CDH4: variants seen among roughly 807,000 people sequenced by gnomAD.
The protein encoded by CDH4 is cadherin 4.
A neutral mutation model predicts 86.0 loss-of-function variants in CDH4; 33 were observed. The ratio of observed to expected loss-of-function variants is 0.38; its 90% CI spans 0.29 to 0.51. CDH4 has a LOEUF of 0.51. Ranked by LOEUF, CDH4 falls within the 20% of genes least tolerant of loss-of-function variation. CDH4 has a pLI of 0.86. For synonymous variants in CDH4, 555 were observed against 549.4 expected (o/e 1.01, Z -0.14); for missense variants, 1,114 against 1,307.4 (o/e 0.85, Z 2.28).
intron 2 of CDH4, among the ~76,000 whole-genome samples, chr20:61,629,249 G>C (rs909614206): frequency 2.0e-5 from 3 of 152,126 alleles, no homozygotes; most frequent in South Asian, 2.1e-4. Context: ...CTGTGGCTCT[G>C]TGCACCCAGC....
rs35037405 is a variant in CDH4 at position 61,911,245 on chromosome 20, T to C, written c.1374+638T>C. Among the ~76,000 whole-genome samples, 1,099 of 152,370 alleles carry C rather than the reference T, an allele frequency of 7.2e-3. 5 individuals are homozygous for C. Among genetic ancestry groups the C allele is most frequent in the Non-Finnish European group, 0.013 (851 of 68,040 alleles). Reference sequence around the variant, plus strand: ...GAGAGATCGGTTTGTAACTACTGGTTCAATTTCTTTGATGGTTTTGGTCAG... The same window carrying C: ...GAGAGATCGGTTTGTAACTACTGGTCCAATTTCTTTGATGGTTTTGGTCAG... On this transcript the variant is annotated intron_variant, in intron 9 of 15. Transcript: ENST00000614565.
At chr20:61,880,132 C>A (rs1370908633) in intron 7 of CDH4, among the ~76,000 whole-genome samples, 1 of 152,214 alleles carries the variant, frequency 6.6e-6, no homozygotes, top group Admixed American at 6.5e-5. Context: ...AATGTATTCA[C>A]ATGATTCAAA....
chr20:61,407,219 T>C (rs1375938026), intron 2 of CDH4, among the ~76,000 whole-genome samples: 1 of 152,248 alleles, frequency 6.6e-6, no homozygotes, highest in African/African-American at 2.4e-5. Flanking sequence ...AACTGCTGCT[T>C]CTAGAACAGT....
intron 2 of CDH4, among the ~76,000 whole-genome samples, chr20:61,325,826 T>G (rs2084534033): frequency 6.6e-6 from 1 of 152,204 alleles, no homozygotes; most frequent in Non-Finnish European, 1.5e-5. Flanking sequence ...CAGGCTTTAC[T>G]AGAAAATTTC....
At chr20:61,625,894 A>C (rs1316734479) in intron 2 of CDH4, among the ~76,000 whole-genome samples, 1 of 152,246 alleles carries the variant, frequency 6.6e-6, no homozygotes, top group Non-Finnish European at 1.5e-5. Flanking sequence ...CGAGTTTTCC[A>C]TTCGCACATC....
rs539354550 is a variant in CDH4 at position 61,934,722 on chromosome 20, C to A, written c.2544+502C>A. On this transcript the variant is annotated intron_variant, in intron 15 of 15. Transcript: ENST00000614565. ...CTCAGGGCCCAGGCCAACTTGCCCCCCCTCCCCACCCCACCCCACACCCCA... is the reference window on the plus strand; with the variant it reads ...CTCAGGGCCCAGGCCAACTTGCCCCACCTCCCCACCCCACCCCACACCCCA... Among the ~76,000 whole-genome samples the A allele has an allele frequency of 3.4e-5, 5 of 146,864 alleles. No individual in the cohort carries two copies. The East Asian group carries it at 9.9e-4, about 29-fold the overall frequency.
intron 2 of CDH4, among the ~76,000 whole-genome samples, chr20:61,691,407 G>A (rs555417995): frequency 1.3e-5 from 2 of 151,866 alleles, no homozygotes; most frequent in South Asian, 4.2e-4. Flanking sequence ...GTGTGCAAGT[G>A]GATGTGTGGA....
At chr20:61,769,480 C>T (rs2088748780) in intron 3 of CDH4, among the ~76,000 whole-genome samples, 1 of 152,214 alleles carries the variant, frequency 6.6e-6, no homozygotes, top group Non-Finnish European at 1.5e-5. Flanking sequence ...TCGATTTCCG[C>T]CCAGTCCAGG....
At chr20:61,845,193 T>G (rs922181408) in intron 5 of CDH4, among the ~76,000 whole-genome samples, 1 of 152,218 alleles carries the variant, frequency 6.6e-6, no homozygotes, top group African/African-American at 2.4e-5. Flanking sequence ...CGATGCTCCC[T>G]CGGGGCCCCT....
chr20:61,855,927 C>G, intron 6 of CDH4, among the ~76,000 whole-genome samples: 1 of 152,214 alleles, frequency 6.6e-6, no homozygotes, highest in Non-Finnish European at 1.5e-5. Context: ...GGTCCCACAA[C>G]AAGCTGTCTT....
At chr20:61,331,306 T>A (rs964712051) in intron 2 of CDH4, among the ~76,000 whole-genome samples, 1 of 152,020 alleles carries the variant, frequency 6.6e-6, no homozygotes, top group South Asian at 2.1e-4. Context: ...GTCCTCCCCA[T>A]GGTGGTCAGG....
chr20:61,681,602 G>A lies in CDH4; in HGVS notation c.170-61961G>A, dbSNP rs942892005. Among the ~76,000 whole-genome samples, 1 of 152,188 alleles carries A rather than the reference G, an allele frequency of 6.6e-6. No individual in the cohort carries two copies. Among genetic ancestry groups the A allele is most frequent in the Non-Finnish European group, 1.5e-5 (1 of 68,036 alleles). On this transcript the variant is annotated intron_variant, in intron 2 of 15. Coordinates refer to ENST00000614565, the MANE Select transcript of CDH4 (RefSeq NM_001794.5). The surrounding 1 kb of genome is among the most constrained non-coding windows in gnomAD (Gnocchi z 4.5). ...AAAAGGGGGCATCATCTAGCAGCTG[G>A]GAGGAGTCTCAGGATCCCCCTGCAG...
At chr20:61,743,881 GGACA>G in intron 3 of CDH4, 92 bp downstream of exon 3, 1 of 951,298 alleles carries the variant, frequency 1.1e-6, no homozygotes, top group African/African-American at 1.6e-5. Flanking sequence ...GGCTCCCACA[GGACA>G]GACAGTCACC....
chr20:61,300,771 A>T (rs1333068371), intron 2 of CDH4, among the ~76,000 whole-genome samples: 1 of 151,162 alleles, frequency 6.6e-6, no homozygotes, highest in Admixed American at 6.6e-5. Context: ...AGTCTCTTCT[A>T]CTCCCAGGAC....
intron 7 of CDH4, among the ~76,000 whole-genome samples, chr20:61,886,132 G>A (rs968860213): frequency 1.3e-5 from 2 of 152,204 alleles, no homozygotes; most frequent in Non-Finnish European, 2.9e-5. Flanking sequence ...TGGGGGAGGC[G>A]TGCTTGCAGC....
chr20:61,293,504 C>T lies in CDH4; in HGVS notation c.169+38567C>T, dbSNP rs112933546. 3.1e-3 allele frequency among the ~76,000 whole-genome samples: 469 copies of T among 152,284 alleles called. 2 individuals are homozygous for T. The highest frequency in any genetic ancestry group is 0.011 in the African/African-American group (449 of 41,554). On this transcript the variant is annotated intron_variant, in intron 2 of 15. Coordinates refer to ENST00000614565, the MANE Select transcript of CDH4 (RefSeq NM_001794.5). ...AGTCACTCAACCAACACTTGTTGAGCGCCAGGCCTGGACTGGTCCTGGGGA... is the reference window on the plus strand; with the variant it reads ...AGTCACTCAACCAACACTTGTTGAGTGCCAGGCCTGGACTGGTCCTGGGGA...
At chr20:61,467,844 AT>A (rs1252366055) in intron 2 of CDH4, among the ~76,000 whole-genome samples, 4 of 152,164 alleles carry the variant, frequency 2.6e-5, no homozygotes, top group South Asian at 4.2e-4. Context: ...GGATTCGATA[AT>A]TCTCTAGGAG....
At chr20:61,719,845 A>T (rs1013050287) in intron 2 of CDH4, 2 of 152,324 alleles carry the variant, frequency 1.3e-5, no homozygotes, top group South Asian at 2.1e-4. Context: ...TTTTTAAATT[A>T]AGATAAACCT....
intron 9 of CDH4, among the ~76,000 whole-genome samples, chr20:61,915,257 CTG>C (rs935125047): frequency 2.0e-5 from 3 of 152,232 alleles, no homozygotes; most frequent in African/African-American, 7.2e-5. Context: ...GCCAAGGTGT[CTG>C]TGTGTGTTCA....
Sources: allele counts gnomAD v4.1 joint callset (sites outside exome capture counted in the v4.1 genomes callset), GRCh38; gene constraint gnomAD v4.1.1; non-coding constraint Gnocchi (gnomAD v3.1); transcripts MANE v1.5; gene names NCBI Gene and HGNC (gene_info 2026-07-23, HGNC 2026-07-21).